The following FRMPD4 variants were observed in gnomAD, a reference collection of about 807,000 sequenced individuals.
FRMPD4 encodes FERM and PDZ domain containing 4, also known as FERM and PDZ domain-containing protein 4.
Under a neutral mutation model 94.1 loss-of-function variants are expected in FRMPD4, and 22 were observed. The observed-to-expected ratio is 0.23, with a 90% CI of 0.17 to 0.33. The LOEUF (loss-of-function observed/expected upper bound fraction) is 0.33, where lower values mean the gene tolerates loss of function less well. FRMPD4 is among the 10% of genes least tolerant of loss of function. The pLI is 1.00. For synonymous variants in FRMPD4, 631 were observed against 548.6 expected, an observed-to-expected ratio of 1.15 and a Z score of -2.10; for missense variants, 1,111 against 1,339.9, an observed-to-expected ratio of 0.83 and a Z score of 2.67.
chrX:12,226,687 C>G (rs1190378445), intron 1 of FRMPD4, among the ~76,000 whole-genome samples: 3 of 111,088 alleles, frequency 2.7e-5, no homozygotes, highest in Non-Finnish European at 5.7e-5. Flanking sequence ...CCCATTTCCA[C>G]AGGGCAACAT....
chrX:12,033,179 A>T (rs1009237079), intron 3 of FRMPD4, among the ~76,000 whole-genome samples: 2 of 111,565 alleles, frequency 1.8e-5, no homozygotes, highest in Admixed American at 9.6e-5. Context: ...AGTGAATTTG[A>T]GAGGGGATTG....
At chrX:12,646,813 C>T (rs901382552) in intron 4 of FRMPD4, among the ~76,000 whole-genome samples, 4 of 112,237 alleles carry the variant, frequency 3.6e-5, no homozygotes, top group African/African-American at 6.5e-5. Context: ...TCTATGTATA[C>T]GAAAGTTACC....
rs767028123 is a variant in FRMPD4 at position 12,225,375 on chromosome X, A to T, written c.41+86363A>T. ...TTATAGCAAATAAGATGAGGGCAGA[A>T]CTGTTTCACCATTTATCATAAATTG... On this transcript the variant is annotated intron_variant, in intron 1 of 16. Transcript: ENST00000675598. 2.7e-5 allele frequency among the ~76,000 whole-genome samples: 3 copies of T among 112,207 alleles called. No homozygotes were observed. In the Admixed American group the frequency reaches 2.8e-4, roughly 11 times the overall value.
intron 2 of FRMPD4, among the ~76,000 whole-genome samples, chrX:12,578,770 C>T (rs1171193504): frequency 1.8e-5 from 2 of 111,309 alleles, no homozygotes; most frequent in Admixed American, 9.6e-5. Flanking sequence ...AATTTTTGCC[C>T]CCCAAAAAAC....
rs757966489 is a variant in FRMPD4 at position 12,160,068 on chromosome X, G to GGTGTGTGTGTGTGTGTGT, written c.41+21069_41+21086dup. 6.0e-4 allele frequency among the ~76,000 whole-genome samples: 60 copies of GGTGTGTGTGTGTGTGTGT among 100,081 alleles called. 1 individual carries two copies. Among genetic ancestry groups the GGTGTGTGTGTGTGTGTGT allele is most frequent in the African/African-American group, 2.1e-3 (56 of 26,880 alleles). 86.9% of individuals were successfully genotyped at this position (100,081 alleles called of 115,157 possible). ...ACTGAGGTAGCTGTAGATGTTGAGG[G>GGTGTGTGTGTGTGTGTGT]GTGTGTGTGTGTGTGTGTGTGTGTG... On this transcript the variant is annotated intron_variant, in intron 1 of 16. Transcript: ENST00000675598.
intron 2 of FRMPD4, among the ~76,000 whole-genome samples, chrX:12,555,553 G>A (rs2058586921): frequency 8.9e-6 from 1 of 111,896 alleles, no homozygotes; most frequent in East Asian, 2.8e-4. Context: ...CTAAAACTTT[G>A]CAGTAGACAA....
At chrX:12,547,400 G>A (rs1163474379) in intron 2 of FRMPD4, among the ~76,000 whole-genome samples, 1 of 111,892 alleles carries the variant, frequency 8.9e-6, no homozygotes, top group Non-Finnish European at 1.9e-5. Context: ...AGCTAAGAAT[G>A]GTTTTACCAA....
intron 1 of FRMPD4, among the ~76,000 whole-genome samples, chrX:11,860,805 G>A (rs2053681969): frequency 8.9e-6 from 1 of 111,860 alleles, no homozygotes; most frequent in African/African-American, 3.2e-5. Context: ...TGAAAGTGAG[G>A]TGGGATGAGT....
At chrX:12,627,257 CA>C (rs1193725332) in intron 4 of FRMPD4, among the ~76,000 whole-genome samples, 3 of 111,874 alleles carry the variant, frequency 2.7e-5, no homozygotes, top group Non-Finnish European at 5.6e-5. Context: ...GCTTGGGCGA[CA>C]GAGACTTCAT....
intron 4 of FRMPD4, among the ~76,000 whole-genome samples, chrX:12,674,349 G>T (rs1421755020): frequency 9.0e-6 from 1 of 111,641 alleles, no homozygotes; most frequent in African/African-American, 3.3e-5. Context: ...TTTTTCATAA[G>T]AAACCTACAA....
chrX:12,639,400 G>A (rs1484884568), intron 4 of FRMPD4, among the ~76,000 whole-genome samples: 1 of 112,044 alleles, frequency 8.9e-6, no homozygotes, highest in Admixed American at 9.5e-5. Context: ...ATTTTCACAA[G>A]CTTAGGTAAA....
intron 2 of FRMPD4, among the ~76,000 whole-genome samples, chrX:12,513,101 A>G (rs1306664278): frequency 8.9e-6 from 1 of 112,205 alleles, no homozygotes; most frequent in Non-Finnish European, 1.9e-5. Context: ...AATTCCTTGT[A>G]GATTCTGGAT....
Position 12,720,678 on chromosome X carries a change from C to T in FRMPD4, c.4109C>T (p.Ser1370Phe), listed in dbSNP as rs1022180034. The T allele has an allele frequency of 3.6e-6, 4 of 1,110,888 alleles. No individual in the cohort carries two copies. The highest frequency in any genetic ancestry group is 4.7e-6 in the Non-Finnish European group (4 of 848,368). The allele number at this position is 1,110,888 out of a possible 1,213,427, so 91.5% of individuals were successfully genotyped here. A position where few individuals can be genotyped will look rare whatever the true frequency, so the allele number is the denominator to read the frequency against. ...CCAAATCAAGACCCTAATGATTTCT[C>T]CCAAGCAAATCAGGCATACGGAGAG... ...PIPNQDPNDFSQANQAYGEAV... is the reference protein window; with the variant it reads ...PIPNQDPNDFFQANQAYGEAV... Residue 1370 changes from serine (S) to phenylalanine (F), a missense_variant, in exon 17 of 17, where the codon TCC becomes TTC. This residue lies in a region of FRMPD4 where 551 missense variants were observed against 591.6 expected (regional missense o/e 0.93). Transcript: ENST00000675598.
At chrX:11,933,564 A>G (rs111589296) in intron 3 of FRMPD4, among the ~76,000 whole-genome samples, 2 of 112,681 alleles carry the variant, frequency 1.8e-5, no homozygotes, top group African/African-American at 3.2e-5. Flanking sequence ...CTCTTCTTAC[A>G]CCCAAATAAG....
intron 1 of FRMPD4, among the ~76,000 whole-genome samples, chrX:12,146,413 A>G (rs1437822118): frequency 9.1e-6 from 1 of 110,408 alleles, no homozygotes; most frequent in African/African-American, 3.3e-5. Context: ...TGAACTTGTT[A>G]TTCCTCCTTT....
At chrX:12,052,955 A>G (rs1320174226) in intron 3 of FRMPD4, among the ~76,000 whole-genome samples, 1 of 111,753 alleles carries the variant, frequency 8.9e-6, no homozygotes, top group Non-Finnish European at 1.9e-5. Context: ...AGTAGTCAAC[A>G]TACAGTGTAT....
At chrX:12,372,398 C>A (rs1374492772) in intron 1 of FRMPD4, among the ~76,000 whole-genome samples, 2 of 112,834 alleles carry the variant, frequency 1.8e-5, no homozygotes, top group African/African-American at 6.4e-5. Context: ...GCAATGAGGC[C>A]AGGTATGGGT....
At chrX:11,857,314 A>G (rs955587197) in intron 1 of FRMPD4, among the ~76,000 whole-genome samples, 1 of 111,893 alleles carries the variant, frequency 8.9e-6, no homozygotes, top group Admixed American at 9.5e-5. Context: ...ACTGTACTAC[A>G]GAGCTACAGT....
intron 1 of FRMPD4, among the ~76,000 whole-genome samples, chrX:12,280,528 G>A (rs181419878): frequency 1.3e-3 from 140 of 110,650 alleles, no homozygotes; most frequent in Admixed American, 2.1e-3. Flanking sequence ...ACTATTTAAT[G>A]AACAGGGTTA....
Sources: allele counts gnomAD v4.1 joint callset (sites outside exome capture counted in the v4.1 genomes callset), GRCh38; gene constraint gnomAD v4.1.1; regional missense constraint gnomAD v4.1.1; transcripts MANE v1.5; gene names NCBI Gene and HGNC (gene_info 2026-07-23, HGNC 2026-07-21).